Variants in PI4KA observed in about 807,000 individuals in gnomAD.
PI4KA encodes the protein phosphatidylinositol 4-kinase alpha.
Under a neutral mutation model 271.4 loss-of-function variants are expected in PI4KA, and 122 were observed. That is an observed-to-expected ratio of 0.45 (90% CI 0.39 to 0.52). The LOEUF (loss-of-function observed/expected upper bound fraction) is 0.52, where lower values mean the gene tolerates loss of function less well. Among genes scored for constraint, PI4KA ranks in the 20% least tolerant of loss-of-function variants. The pLI is 0.00. For synonymous variants in PI4KA, 1,041 were observed against 1,078.8 expected (o/e 0.96, Z 0.69); for missense variants, 1,969 against 2,769.1 (o/e 0.71, Z 6.48).
rs1247610874 is a variant in PI4KA, at chr22:20,819,709, T to G, written c.721A>C (p.Asn241His). Residue 241 changes from asparagine to histidine, a missense_variant, in exon 6 of 55, where the codon AAT becomes CAT. Coordinates refer to ENST00000255882, the MANE Select transcript of PI4KA (RefSeq NM_058004.4). ...CCCTCCTGACAGACAGTCAGCAGAT[T>G]GCTGGGGAGGATGGAGCGGAAGTCA... ...FNDFRSILPS[N>H]LLTVCQEGTL... 9.3e-6 allele frequency: 15 copies of G among 1,613,982 alleles called. No individual in the cohort carries two copies. The highest frequency in any genetic ancestry group is 1.2e-5 in the Non-Finnish European group (14 of 1,179,990).
intron 5 of PI4KA, among the ~76,000 whole-genome samples, chr22:20,820,231 A>G (rs111264250): frequency 0.016 from 2,440 of 152,338 alleles, 49 homozygotes; most frequent in Middle Eastern, 0.065. Flanking sequence ...GCATATTGGT[A>G]GCCTCACAAC....
intron 19 of PI4KA, among the ~76,000 whole-genome samples, chr22:20,776,206 C>T (rs978483649): frequency 6.6e-6 from 1 of 152,054 alleles, no homozygotes; most frequent in African/African-American, 2.4e-5. Flanking sequence ...ACCTGTGGTC[C>T]CAGCTACTTC....
At chr22:20,771,707 G>A (rs753796261) in intron 19 of PI4KA, among the ~76,000 whole-genome samples, 22 of 151,686 alleles carry the variant, frequency 1.5e-4, no homozygotes, top group Non-Finnish European at 2.6e-4. Flanking sequence ...TCAGCCTCCC[G>A]AGTAGCTGGG....
intron 19 of PI4KA, among the ~76,000 whole-genome samples, chr22:20,777,748 G>C (rs1034706429): frequency 6.6e-6 from 1 of 152,168 alleles, no homozygotes; most frequent in Non-Finnish European, 1.5e-5. Flanking sequence ...GCAAAACATG[G>C]AATCATCAAA....
At chr22:20,751,502 T>C (rs2147328931) in intron 26 of PI4KA, 126 bp from the exon 27 acceptor site, 1 of 962,280 alleles carries the variant, frequency 1.0e-6, no homozygotes, top group East Asian at 2.5e-5. Context: ...TGCAACTTAT[T>C]GCAAAACACC....
Position 20,765,325 on chromosome 22 carries a change from C to T in PI4KA, c.2438-89G>A. The stretch of plus-strand genomic sequence containing the variant: ...CTGACAATTTCTATAGTCATGGGTC[C>T]TTTGAGACAATTATCCCAAAAACTA... On this transcript the variant is annotated intron_variant, in intron 20 of 54. Coordinates refer to ENST00000255882, the MANE Select transcript of PI4KA (RefSeq NM_058004.4). 12 of 1,345,934 alleles carry T rather than the reference C, an allele frequency of 8.9e-6. No individual in the cohort carries two copies. In the South Asian group the frequency reaches 1.5e-4, roughly 17 times the overall value. 83.4% of individuals were successfully genotyped at this position (1,345,934 alleles called of 1,614,324 possible). A position where few individuals can be genotyped will look rare whatever the true frequency, so the allele number is the denominator to read the frequency against.
chr22:20,842,746 G>C (rs1280208242), intron 1 of PI4KA, among the ~76,000 whole-genome samples: 1 of 150,940 alleles, frequency 6.6e-6, no homozygotes, highest in Non-Finnish European at 1.5e-5. Flanking sequence ...CCAGGAGCCG[G>C]AGATAGCAGT....
chr22:20,742,285 C>T lies in PI4KA; in HGVS notation c.3684G>A (p.Glu1228=), dbSNP rs1191283657. Residue 1228 remains glutamate, a synonymous_variant, in exon 32 of 55, where the codon GAG becomes GAA. Transcript: ENST00000255882. ...PLRMFNEHGM[E]TALACWEWLL... ...GCCACTCCCAGCAGGCCAGGGCCGTCTCCATGCCATGCTCATTGAACATCC... is the reference window on the plus strand; with the variant it reads ...GCCACTCCCAGCAGGCCAGGGCCGTTTCCATGCCATGCTCATTGAACATCC... 6.2e-7 allele frequency: 1 copy of T among 1,614,234 alleles called. No individual in the cohort carries two copies. Among genetic ancestry groups the T allele is most frequent in the South Asian group, 1.1e-5 (1 of 91,088 alleles).
chr22:20,737,599 A>G (rs2002525), intron 32 of PI4KA, among the ~76,000 whole-genome samples: 74,105 of 151,036 alleles, frequency 0.49, 18,617 homozygotes, highest in East Asian at 0.58. Flanking sequence ...CCAGTGCCCT[A>G]TGAAATGGGA....
At chr22:20,745,796 C>T (rs992971879) in intron 29 of PI4KA, among the ~76,000 whole-genome samples, 6 of 151,986 alleles carry the variant, frequency 3.9e-5, no homozygotes, top group Non-Finnish European at 8.8e-5. Flanking sequence ...TGTTGTTACA[C>T]GTTCAACGTA....
chr22:20,742,469 T>C (rs1929573560), intron 31 of PI4KA, 114 bp from the exon 32 acceptor site: 2 of 1,551,888 alleles, frequency 1.3e-6, no homozygotes, highest in African/African-American at 2.7e-5. Flanking sequence ...TTTTATTGAC[T>C]TTCCACTCAT....
At chr22:20,729,595 G>A in intron 38 of PI4KA, 37 bp downstream of exon 38, 4 of 1,553,958 alleles carry the variant, frequency 2.6e-6, no homozygotes, top group Non-Finnish European at 3.5e-6. Flanking sequence ...ACAGGCAGGT[G>A]GCGGGCAGCA....
At chr22:20,762,657 T>C (rs1238376511) in intron 22 of PI4KA, among the ~76,000 whole-genome samples, 1 of 152,156 alleles carries the variant, frequency 6.6e-6, no homozygotes, top group African/African-American at 2.4e-5. Context: ...TAGCCGTACA[T>C]GCTGGGATGA....
chr22:20,775,651 T>C (rs1382322997), intron 19 of PI4KA, among the ~76,000 whole-genome samples: 1 of 152,210 alleles, frequency 6.6e-6, no homozygotes, highest in Non-Finnish European at 1.5e-5. Context: ...TTCCTTCTTC[T>C]TTTGGCTTTC....
chr22:20,740,805 C>G lies in PI4KA; in HGVS notation c.3741+1423G>C, dbSNP rs373790942. On this transcript the variant is annotated intron_variant, in intron 32 of 54. Coordinates refer to ENST00000255882, the MANE Select transcript of PI4KA (RefSeq NM_058004.4). ...GCTACTAGACAATAGAAGATAATAT[C>G]TGAAATGCTAAAAACAATAAAACAA... Among the ~76,000 whole-genome samples, 114 of 152,266 alleles carry G rather than the reference C, an allele frequency of 7.5e-4. 3 individuals are homozygous for G. In the South Asian group the frequency reaches 0.023, roughly 30 times the overall value.
Position 20,820,598 on chromosome 22 carries a change from A to C in PI4KA, c.470T>G (p.Leu157Arg). Residue 157 changes from leucine to arginine, a missense_variant, in exon 5 of 55, where the codon CTT (leucine) becomes CGT (arginine). Physicochemically the swap from Leu to Arg is moderately radical, Grantham distance 102. Coordinates refer to ENST00000255882, the MANE Select transcript of PI4KA (RefSeq NM_058004.4). ...CAAGAGGACATGCAAAACCTGCAAA[A>C]GCACCTCTAAAATCTGTAACAGTCA... ...PSLRDEILEV[L>R]LQVLHVLLGM... The C allele has an allele frequency of 6.2e-7, 1 of 1,609,550 alleles. No individual in the cohort carries two copies. The highest frequency in any genetic ancestry group is 8.5e-7 in the Non-Finnish European group (1 of 1,176,714).
At chr22:20,769,245 C>T (rs1932769023) in intron 19 of PI4KA, among the ~76,000 whole-genome samples, 1 of 152,166 alleles carries the variant, frequency 6.6e-6, no homozygotes, top group South Asian at 2.1e-4. Context: ...TCTTGGCTCC[C>T]TCTTGAGGAC....
chr22:20,810,903 C>T (rs1935964317), intron 9 of PI4KA, 64 bp downstream of exon 9: 1 of 1,248,640 alleles, frequency 8.0e-7, no homozygotes, highest in Non-Finnish European at 1.2e-6. Flanking sequence ...CAAACTCTTC[C>T]TGCTTTCTCT....
chr22:20,797,689 A>G (rs1158048579), intron 17 of PI4KA, among the ~76,000 whole-genome samples: 1 of 152,142 alleles, frequency 6.6e-6, no homozygotes, highest in Non-Finnish European at 1.5e-5. Flanking sequence ...CATTTGGCAG[A>G]TGAGGAAACT....
Sources: gnomAD v4.1 joint callset for allele counts (sites outside exome capture counted in the v4.1 genomes callset) on GRCh38, gnomAD v4.1.1 for gene constraint, MANE v1.5 for transcripts, NCBI Gene and HGNC (gene_info 2026-07-23, HGNC 2026-07-21) for gene names.